PCBP3: variants seen among roughly 807,000 people sequenced by gnomAD.
The protein encoded by PCBP3 is poly(rC) binding protein 3.
PCBP3 carries 25 observed loss-of-function variants against 52.7 expected under a neutral mutation model. The ratio of observed to expected loss-of-function variants is 0.47; its 90% CI spans 0.35 to 0.66. The LOEUF (loss-of-function observed/expected upper bound fraction) is 0.66, where lower values mean the gene tolerates loss of function less well. PCBP3 is among the 30% of genes least tolerant of loss of function. PCBP3 has a pLI of 0.01. For synonymous variants in PCBP3, 162 were observed against 183.0 expected, an observed-to-expected ratio of 0.89 and a Z score of 0.93; for missense variants, 391 against 490.3, an observed-to-expected ratio of 0.80 and a Z score of 1.91.
At chr21:45,848,313 T>C (rs1367470151) in intron 4 of PCBP3, 3 of 152,248 alleles carry the variant, frequency 2.0e-5, no homozygotes, top group Non-Finnish European at 4.4e-5. Flanking sequence ...AGTCATTTAC[T>C]CAGAATGCAC....
At chr21:45,811,510 T>C (rs2092686868) in intron 4 of PCBP3, among the ~76,000 whole-genome samples, 1 of 152,274 alleles carries the variant, frequency 6.6e-6, no homozygotes, top group Non-Finnish European at 1.5e-5. Flanking sequence ...GCAAGGCCTG[T>C]GACCTTCATC....
At chr21:45,898,122 G>T (rs1263650667) in intron 6 of PCBP3, among the ~76,000 whole-genome samples, 1 of 152,186 alleles carries the variant, frequency 6.6e-6, no homozygotes, top group East Asian at 1.9e-4. Flanking sequence ...CCAACTGTGG[G>T]TGTCAGGAGC....
chr21:45,878,964 G>A (rs536003826), intron 5 of PCBP3, among the ~76,000 whole-genome samples: 3 of 152,116 alleles, frequency 2.0e-5, no homozygotes, highest in Admixed American at 6.5e-5. Flanking sequence ...GGAACTCTAC[G>A]CAGGGAAAGC....
In PCBP3 at chr21:45,899,734, G is replaced by A. The variant is rs568538655; in HGVS notation, c.189+112G>A. 127 of 768,342 alleles carry A rather than the reference G, an allele frequency of 1.7e-4. 1 individual carries two copies. The South Asian group carries it at 1.9e-3, about 12-fold the overall frequency. The allele number at this position is 768,342 out of a possible 1,614,324, so 47.6% of individuals were successfully genotyped here. A position where few individuals can be genotyped will look rare whatever the true frequency, so the allele number is the denominator to read the frequency against. ...CCAGTAGGTGCGCCTTTCCCAGTTGGTGGGTGGTCTGTGTTCCATGAAGAC... is the reference window on the plus strand; with the variant it reads ...CCAGTAGGTGCGCCTTTCCCAGTTGATGGGTGGTCTGTGTTCCATGAAGAC... On this transcript the variant is annotated intron_variant, in intron 7 of 17. Transcript: ENST00000681687.
At chr21:45,702,847 A>G (rs1413420126) in intron 2 of PCBP3, among the ~76,000 whole-genome samples, 1 of 152,228 alleles carries the variant, frequency 6.6e-6, no homozygotes, top group Non-Finnish European at 1.5e-5. Context: ...AACTTCTTTC[A>G]AAATTGGAGT....
At chr21:45,691,681 T>A (rs1174568025) in intron 2 of PCBP3, among the ~76,000 whole-genome samples, 1 of 151,586 alleles carries the variant, frequency 6.6e-6, no homozygotes, top group African/African-American at 2.4e-5. Context: ...CAATGAAGAG[T>A]ATATGAGCTA....
intron 2 of PCBP3, among the ~76,000 whole-genome samples, chr21:45,689,579 A>G (rs1310876302): frequency 1.3e-5 from 2 of 152,106 alleles, no homozygotes; most frequent in East Asian, 3.8e-4. Flanking sequence ...GAAGTCCTAG[A>G]CAATAAAGTG....
rs117674208 is a variant in PCBP3, at chr21:45,907,936, G to A, written c.340-1419G>A. Among the ~76,000 whole-genome samples the A allele has an allele frequency of 5.4e-3, 819 of 152,180 alleles. 10 individuals carry two copies. Among genetic ancestry groups the A allele is most frequent in the East Asian group, 0.04 (207 of 5,154 alleles). ...CCTGGGGGTCTGGTTTGTTGCCGAC[G>A]TCTGCCAGGTTGCTGACTAGCTGTA... On this transcript the variant is annotated intron_variant, in intron 9 of 17. Transcript: ENST00000681687.
At chr21:45,720,366 A>G (rs1231361922) in intron 2 of PCBP3, among the ~76,000 whole-genome samples, 2 of 152,196 alleles carry the variant, frequency 1.3e-5, no homozygotes, top group Non-Finnish European at 2.9e-5. Flanking sequence ...GATGGTTTCC[A>G]GCTTCATCCA....
chr21:45,878,492 C>T (rs538524277), intron 5 of PCBP3, among the ~76,000 whole-genome samples: 8 of 152,370 alleles, frequency 5.3e-5, no homozygotes, highest in South Asian at 2.1e-4. Context: ...GCCCTCTCTA[C>T]GTCTGGGTCT....
chr21:45,892,153 G>A (rs1444062767), intron 5 of PCBP3, among the ~76,000 whole-genome samples: 4 of 152,188 alleles, frequency 2.6e-5, no homozygotes, highest in East Asian at 1.9e-4. Flanking sequence ...GGACCGCGGC[G>A]TCCTTCCTAC....
Position 45,724,584 on chromosome 21 carries a change from G to A in PCBP3, c.-199-10808G>A, listed in dbSNP as rs1236032664. 6.6e-6 allele frequency among the ~76,000 whole-genome samples: 1 copy of A among 152,168 alleles called. No homozygotes were observed. Among genetic ancestry groups the A allele is most frequent in the African/African-American group, 2.4e-5 (1 of 41,446 alleles). ...GCTCTGTAACACGAACATTAAAACT[G>A]ATTTGAGGTGTTAGCGGTGTCACTG... On this transcript the variant is annotated intron_variant, in intron 2 of 17. Coordinates refer to ENST00000681687, the MANE Select transcript of PCBP3 (RefSeq NM_001384156.1). The surrounding 1 kb of genome is among the most constrained non-coding windows in gnomAD (Gnocchi z 5.3).
intron 4 of PCBP3, among the ~76,000 whole-genome samples, chr21:45,819,691 A>G (rs754781515): frequency 1.3e-5 from 2 of 152,118 alleles, no homozygotes; most frequent in Non-Finnish European, 2.9e-5. Context: ...GCTCCTGGGG[A>G]CTGTACTTGG....
chr21:45,898,720 TGC>T (rs2095923477), intron 6 of PCBP3, among the ~76,000 whole-genome samples: 1 of 55,574 alleles, frequency 1.8e-5, no homozygotes, highest in African/African-American at 1.3e-4. Context: ...GGCCTCCCTC[TGC>T]CTCCACGGGC....
intron 1 of PCBP3, among the ~76,000 whole-genome samples, chr21:45,654,639 A>G (rs559367440): frequency 6.6e-6 from 1 of 152,298 alleles, no homozygotes; most frequent in East Asian, 1.9e-4. Flanking sequence ...GCGCCTGGCC[A>G]ACATTACATA....
At chr21:45,781,826 C>T (rs2090655769) in intron 4 of PCBP3, among the ~76,000 whole-genome samples, 1 of 152,172 alleles carries the variant, frequency 6.6e-6, no homozygotes, top group Non-Finnish European at 1.5e-5. Flanking sequence ...TGCATATTTA[C>T]AATATGTACA....
intron 6 of PCBP3, among the ~76,000 whole-genome samples, chr21:45,898,356 T>A (rs1319838375): frequency 1.8e-5 from 1 of 54,980 alleles, no homozygotes; most frequent in Non-Finnish European, 3.6e-5. Flanking sequence ...CACACCATCC[T>A]CATGGTCTCC....
Position 45,939,456 on chromosome 21 carries a change from CAG to C in PCBP3, c.910-573_910-572del, listed in dbSNP as rs1418289930. On this transcript the variant is annotated intron_variant, in intron 16 of 17. Coordinates refer to ENST00000681687, the MANE Select transcript of PCBP3 (RefSeq NM_001384156.1). Reference sequence around the variant, plus strand: ...TTCCATCTTTAAACAGGGGTCCCAACAGGGGAATGAAAGGAGGCACCCGAATG... The same window carrying C: ...TTCCATCTTTAAACAGGGGTCCCAACGGGAATGAAAGGAGGCACCCGAATG... Among the ~76,000 whole-genome samples the C allele has an allele frequency of 2.6e-5, 4 of 152,386 alleles. No individual in the cohort carries two copies. In the East Asian group the frequency reaches 5.8e-4, roughly 22 times the overall value.
chr21:45,646,117 G>A (rs1216965810), intron 1 of PCBP3, among the ~76,000 whole-genome samples: 1 of 125,202 alleles, frequency 8.0e-6, no homozygotes, highest in Non-Finnish European at 1.7e-5. Context: ...CTGTGTGTGT[G>A]TGTGTGTGTG....
Sources: gnomAD v4.1 joint callset for allele counts (sites outside exome capture counted in the v4.1 genomes callset) on GRCh38, gnomAD v4.1.1 for gene constraint, Gnocchi (gnomAD v3.1) non-coding constraint, MANE v1.5 for transcripts, NCBI Gene and HGNC (gene_info 2026-07-23, HGNC 2026-07-21) for gene names.